TMEM132B: variants seen among roughly 807,000 people sequenced by gnomAD.
TMEM132B encodes the protein transmembrane protein 132B.
TMEM132B carries 18 observed loss-of-function variants against 90.8 expected under a neutral mutation model. The observed-to-expected ratio is 0.20, with a 90% CI of 0.14 to 0.29. The LOEUF is 0.29. TMEM132B is among the 10% of genes least tolerant of loss of function. The pLI is 1.00. For synonymous variants in TMEM132B, 504 were observed against 523.3 expected, an observed-to-expected ratio of 0.96 and a Z score of 0.50; for missense variants, 1,096 against 1,326.8, an observed-to-expected ratio of 0.83 and a Z score of 2.70.
intron 2 of TMEM132B, among the ~76,000 whole-genome samples, chr12:125,367,417 A>G (rs776689482): frequency 6.6e-6 from 1 of 152,164 alleles, no homozygotes; most frequent in Non-Finnish European, 1.5e-5. Context: ...TCTTTAGCTG[A>G]CATGCTTTGA....
intron 1 of TMEM132B, among the ~76,000 whole-genome samples, chr12:125,321,964 A>G (rs1425406144): frequency 6.6e-6 from 1 of 152,212 alleles, no homozygotes; most frequent in Non-Finnish European, 1.5e-5. Flanking sequence ...CACCCATACA[A>G]TGGAATAAAA....
At chr12:125,283,032 A>T (rs11058125) in intron 1 of TMEM132B, among the ~76,000 whole-genome samples, 25,230 of 152,124 alleles carry the variant, frequency 0.17, 2,660 homozygotes, top group African/African-American at 0.3. Flanking sequence ...AGACCCAAAG[A>T]TCATGGGAAC....
chr12:125,483,014 A>G (rs1228347737), intron 3 of TMEM132B, among the ~76,000 whole-genome samples: 1 of 139,454 alleles, frequency 7.2e-6, no homozygotes, highest in Non-Finnish European at 1.5e-5. Flanking sequence ...CAAACACCGC[A>G]TGTTCTCACT....
chr12:125,441,330 T>C (rs1880863378), intron 3 of TMEM132B, among the ~76,000 whole-genome samples: 1 of 152,158 alleles, frequency 6.6e-6, no homozygotes, highest in South Asian at 2.1e-4. Context: ...CAAAGAAGAG[T>C]ATTTCTATAT....
chr12:125,489,884 G>T (rs556324349), intron 3 of TMEM132B, among the ~76,000 whole-genome samples: 4 of 152,136 alleles, frequency 2.6e-5, no homozygotes, highest in Non-Finnish European at 5.9e-5. Flanking sequence ...AGTTGGTTCT[G>T]GAACCTTCAG....
rs563144298 is a variant in TMEM132B, at chr12:125,255,805, A to G, written c.67+68939A>G. Among the ~76,000 whole-genome samples the G allele has an allele frequency of 5.9e-5, 9 of 152,282 alleles. No homozygotes were observed. In the South Asian group the frequency reaches 1.9e-3, roughly 32 times the overall value. On this transcript the variant is annotated intron_variant, in intron 1 of 8. Transcript: ENST00000682704. Reference sequence around the variant, plus strand: ...GTCTGAGGGAAAACGACATCTTTCAACAAGTAGAGATGAAAGATGGCTCTG... The same window carrying G: ...GTCTGAGGGAAAACGACATCTTTCAGCAAGTAGAGATGAAAGATGGCTCTG...
rs1049695895 is a variant in TMEM132B at position 125,584,069 on chromosome 12, T to C, written c.1437+75T>C. 1.9e-6 allele frequency: 3 copies of C among 1,602,712 alleles called. No homozygotes were observed. In the African/African-American group the frequency reaches 4.0e-5, roughly 21 times the overall value. ...CGTTCCTTCTTTTGTCTCCAAGGTCTTGTTCTCACTGAGCATCCCATGCTC... is the reference window on the plus strand; with the variant it reads ...CGTTCCTTCTTTTGTCTCCAAGGTCCTGTTCTCACTGAGCATCCCATGCTC... On this transcript the variant is annotated intron_variant, in intron 5 of 8. Coordinates refer to ENST00000682704, the MANE Select transcript of TMEM132B (RefSeq NM_001366854.1).
chr12:125,282,029 A>C (rs1875200211), intron 1 of TMEM132B, among the ~76,000 whole-genome samples: 1 of 40,966 alleles, frequency 2.4e-5, no homozygotes, highest in African/African-American at 1.4e-4. Context: ...CTCCGTCTCA[A>C]AAAAAAAAAA....
intron 4 of TMEM132B, among the ~76,000 whole-genome samples, chr12:125,551,092 C>T (rs1884217884): frequency 6.6e-6 from 1 of 152,238 alleles, no homozygotes; most frequent in African/African-American, 2.4e-5. Flanking sequence ...GGACTACAGG[C>T]GTGAGCCACT....
chr12:125,350,368 G>A, intron 2 of TMEM132B, 25 bp downstream of exon 2: 1 of 1,582,580 alleles, frequency 6.3e-7, no homozygotes, highest in South Asian at 1.2e-5. Context: ...CAGGTGGGAT[G>A]GAACAGAAGC....
intron 3 of TMEM132B, among the ~76,000 whole-genome samples, chr12:125,437,893 A>C (rs1291173899): frequency 6.6e-6 from 1 of 152,188 alleles, no homozygotes; most frequent in East Asian, 1.9e-4. Context: ...TGATGACTGC[A>C]CAGCATTGTG....
chr12:125,616,257 A>C (rs1171807796), intron 5 of TMEM132B, among the ~76,000 whole-genome samples: 4 of 152,076 alleles, frequency 2.6e-5, no homozygotes, highest in African/African-American at 7.2e-5. Context: ...GTCCCTACAA[A>C]GGACATGAAC....
intron 2 of TMEM132B, among the ~76,000 whole-genome samples, chr12:125,368,112 A>T (rs325101): frequency 6.6e-6 from 1 of 151,942 alleles, no homozygotes; most frequent in Non-Finnish European, 1.5e-5. Context: ...TTACTTTACC[A>T]CAGTATAGTC....
chr12:125,584,261 C>T (rs995029428), intron 5 of TMEM132B: 1 of 471,068 alleles, frequency 2.1e-6, no homozygotes, highest in Middle Eastern at 6.1e-4. Flanking sequence ...TCCTCCCCTT[C>T]TTGTCTCCCC....
chr12:125,648,197 T>C (rs1020386437), intron 6 of TMEM132B, among the ~76,000 whole-genome samples: 12 of 152,014 alleles, frequency 7.9e-5, no homozygotes, highest in African/African-American at 2.9e-4. Context: ...AATGATGGTT[T>C]CCAATTTCAT....
intron 1 of TMEM132B, among the ~76,000 whole-genome samples, chr12:125,211,763 G>A (rs1046285485): frequency 4.6e-5 from 7 of 152,100 alleles, no homozygotes; most frequent in Admixed American, 1.3e-4. Flanking sequence ...CTGGCTTCTC[G>A]CTGGCAAGGA....
chr12:125,483,388 G>A (rs1882110447), intron 3 of TMEM132B, among the ~76,000 whole-genome samples: 1 of 152,020 alleles, frequency 6.6e-6, no homozygotes, highest in Non-Finnish European at 1.5e-5. Context: ...ATATCTGTCT[G>A]TTCTGAATAT....
Position 125,654,822 on chromosome 12 carries a change from C to A in TMEM132B, c.*112C>A. ...TTAACAAAGTTTGATTTGTGGAGGTCTGGTGGGATTCATTTCTAAGCAGGT... is the reference window on the plus strand; with the variant it reads ...TTAACAAAGTTTGATTTGTGGAGGTATGGTGGGATTCATTTCTAAGCAGGT... On this transcript the variant is annotated 3_prime_UTR_variant, in exon 9 of 9. Coordinates refer to ENST00000682704, the MANE Select transcript of TMEM132B (RefSeq NM_001366854.1). This position sits in a 1 kb window ranked among gnomAD's most constrained non-coding sequence, Gnocchi z 5.8. 7.9e-7 allele frequency: 1 copy of A among 1,262,166 alleles called. No individual in the cohort carries two copies. Among genetic ancestry groups the A allele is most frequent in the Non-Finnish European group, 1.1e-6 (1 of 916,660 alleles). The allele number at this position is 1,262,166 out of a possible 1,614,324, so 78.2% of individuals were successfully genotyped here. A position where few individuals can be genotyped will look rare whatever the true frequency, so the allele number is the denominator to read the frequency against.
At chr12:125,207,567 T>A (rs569091988) in intron 1 of TMEM132B, among the ~76,000 whole-genome samples, 37 of 152,360 alleles carry the variant, frequency 2.4e-4, no homozygotes, top group Admixed American at 7.2e-4. Flanking sequence ...TGGGTTTTTT[T>A]AATTGCATTA....
Sources: gnomAD v4.1 joint callset for allele counts (sites outside exome capture counted in the v4.1 genomes callset) on GRCh38, gnomAD v4.1.1 for gene constraint, Gnocchi (gnomAD v3.1) non-coding constraint, MANE v1.5 for transcripts, NCBI Gene and HGNC (gene_info 2026-07-23, HGNC 2026-07-21) for gene names.